Variants in ADORA2B observed in about 807,000 individuals in gnomAD.
ADORA2B encodes adenosine A2b receptor, also known as adenosine receptor A2b.
Under a neutral mutation model 20.8 loss-of-function variants are expected in ADORA2B, and 18 were observed. The ratio of observed to expected loss-of-function variants is 0.87; its 90% confidence interval spans 0.60 to 1.29. The LOEUF is 1.29. Among genes scored for constraint, ADORA2B ranks in the 50% most tolerant of loss-of-function variants. The pLI is 0.00. For synonymous variants in ADORA2B, 179 were observed against 178.3 expected (o/e 1.00, Z -0.03); for missense variants, 441 against 422.7 (o/e 1.04, Z -0.38).
chr17:15,968,853 G>A (rs1420532962), intron 1 of ADORA2B, among the ~76,000 whole-genome samples: 1 of 152,154 alleles, frequency 6.6e-6, no homozygotes, highest in East Asian at 1.9e-4. Context: ...GTGCATAGGC[G>A]GTGGCAGCTG....
the ADORA2B span, among the ~76,000 whole-genome samples, chr17:15,859,097 G>A: frequency 2.0e-5 from 3 of 152,126 alleles, no homozygotes; most frequent in African/African-American, 4.8e-5. Context: ...GCACTGAGAT[G>A]TGAACTACCA....
intron 1 of ADORA2B, among the ~76,000 whole-genome samples, chr17:15,950,795 C>T (rs1969891188): frequency 6.6e-6 from 1 of 152,230 alleles, no homozygotes; most frequent in Non-Finnish European, 1.5e-5. Context: ...AATTCTCACT[C>T]ACCACGGCCA....
the ADORA2B span, among the ~76,000 whole-genome samples, chr17:15,907,958 G>A: frequency 2.6e-5 from 4 of 152,352 alleles, no homozygotes; most frequent in African/African-American, 9.6e-5. Context: ...ACGGGGACCC[G>A]GGTGTGAAAT....
rs1718139479 is a variant in ADORA2B at position 15,948,803 on chromosome 17, GTGCCTCACGTATCTGGTCTT to G, written c.335+3223_335+3242del. Among the ~76,000 whole-genome samples the G allele has an allele frequency of 4.6e-5, 7 of 152,236 alleles. No homozygotes were observed. The South Asian group carries it at 1.2e-3, about 27-fold the overall frequency. On this transcript the variant is annotated intron_variant, in intron 1 of 1. Coordinates refer to ENST00000304222, the MANE Select transcript of ADORA2B (RefSeq NM_000676.4). ...TCTTGCCACATTGAGGCTTTTCTCT[GTGCCTCACGTATCTGGTCTT>G]TGAGGTAGGGATTAAAGACCTCTTA...
At chr17:15,909,453 T>C in the ADORA2B span, among the ~76,000 whole-genome samples, 1 of 152,232 alleles carries the variant, frequency 6.6e-6, no homozygotes, top group East Asian at 1.9e-4. Context: ...CCTGTGATAA[T>C]GCAAGGGAGG....
chr17:15,877,818 A>AAATT, the ADORA2B span, among the ~76,000 whole-genome samples: 2 of 152,006 alleles, frequency 1.3e-5, no homozygotes, highest in Non-Finnish European at 2.9e-5. Flanking sequence ...CTCTTGCCAC[A>AAATT]AATTTCCTGA....
chr17:15,946,362 T>C lies in ADORA2B; in HGVS notation c.335+779T>C, dbSNP rs531541314. 4.6e-5 allele frequency among the ~76,000 whole-genome samples: 7 copies of C among 152,312 alleles called. No individual in the cohort carries two copies. The East Asian group carries it at 9.6e-4, about 21-fold the overall frequency. The stretch of plus-strand genomic sequence containing the variant: ...GTGGCGAACTTACTTGTCCACTCTT[T>C]CTCCCACACTGAGAAAATCTAGGAT... On this transcript the variant is annotated intron_variant, in intron 1 of 1. Coordinates refer to ENST00000304222, the MANE Select transcript of ADORA2B (RefSeq NM_000676.4).
At chr17:15,868,115 G>A in the ADORA2B span, among the ~76,000 whole-genome samples, 1 of 144,182 alleles carries the variant, frequency 6.9e-6, no homozygotes, top group Non-Finnish European at 1.5e-5. Context: ...GTCCACTCAG[G>A]GTTGAATGGA....
At chr17:15,948,500 C>T (rs190526783) in intron 1 of ADORA2B, among the ~76,000 whole-genome samples, 1 of 136,470 alleles carries the variant, frequency 7.3e-6, no homozygotes, top group East Asian at 2.3e-4. Context: ...GGGCCATGCC[C>T]AAAGCTGCTC....
the ADORA2B span, among the ~76,000 whole-genome samples, chr17:15,887,864 T>C: frequency 9.2e-6 from 1 of 109,018 alleles, no homozygotes; most frequent in Non-Finnish European, 1.8e-5. Flanking sequence ...GGCAGGAGAA[T>C]GGCATGAACC....
chr17:15,967,954 C>G (rs1970141776), intron 1 of ADORA2B, among the ~76,000 whole-genome samples: 1 of 152,190 alleles, frequency 6.6e-6, no homozygotes, highest in Non-Finnish European at 1.5e-5. Context: ...CCTATCTGTT[C>G]CAATGCTTCT....
At chr17:15,956,040 C>T (rs1005868272) in intron 1 of ADORA2B, among the ~76,000 whole-genome samples, 2 of 152,090 alleles carry the variant, frequency 1.3e-5, no homozygotes, top group African/African-American at 2.4e-5. Flanking sequence ...CAGATGGGGA[C>T]GTCCCCTCCT....
chr17:15,878,213 A>T, the ADORA2B span, among the ~76,000 whole-genome samples: 2 of 142,194 alleles, frequency 1.4e-5, no homozygotes, highest in Non-Finnish European at 3.1e-5. Context: ...ACACACACAC[A>T]CATTATATAA....
At chr17:15,858,034 C>T in the ADORA2B span, among the ~76,000 whole-genome samples, 1 of 138,794 alleles carries the variant, frequency 7.2e-6, no homozygotes, top group African/African-American at 2.5e-5. Context: ...GTTGCATCCA[C>T]CTCAGCTTTT....
chr17:15,872,201 G>A, the ADORA2B span, among the ~76,000 whole-genome samples: 2 of 152,058 alleles, frequency 1.3e-5, no homozygotes, highest in African/African-American at 4.8e-5. Context: ...GACTAGTGAT[G>A]GTCGCACAAC....
the ADORA2B span, among the ~76,000 whole-genome samples, chr17:15,881,693 G>A: frequency 1.1e-4 from 17 of 152,204 alleles, no homozygotes; most frequent in African/African-American, 3.9e-4. Flanking sequence ...GCCCTTTGAT[G>A]AGGGGCTGAT....
Position 15,945,197 on chromosome 17 carries a change from C to A in ADORA2B, c.-52C>A, listed in dbSNP as rs1216502112. ...CCCGGCGGGTCTCACGCGGCTGCCCCTCGCCCGGCGCGCCTTCGGTAGGGG... is the reference window on the plus strand; with the variant it reads ...CCCGGCGGGTCTCACGCGGCTGCCCATCGCCCGGCGCGCCTTCGGTAGGGG... On this transcript the variant is annotated 5_prime_UTR_variant, in exon 1 of 2. Coordinates refer to ENST00000304222, the MANE Select transcript of ADORA2B (RefSeq NM_000676.4). 2.2e-6 allele frequency: 3 copies of A among 1,372,150 alleles called. No individual in the cohort carries two copies. The highest frequency in any genetic ancestry group is 2.8e-6 in the Non-Finnish European group (3 of 1,069,164). The allele number at this position is 1,372,150 out of a possible 1,614,324, so 85.0% of individuals were successfully genotyped here.
intron 1 of ADORA2B, among the ~76,000 whole-genome samples, chr17:15,969,261 T>C (rs1289974998): frequency 1.3e-5 from 2 of 151,938 alleles, no homozygotes; most frequent in African/African-American, 4.8e-5. Flanking sequence ...CCATCCTGGC[T>C]AACACAGTGA....
At chr17:15,857,333 C>T in the ADORA2B span, among the ~76,000 whole-genome samples, 2 of 152,198 alleles carry the variant, frequency 1.3e-5, no homozygotes, top group Non-Finnish European at 2.9e-5. Context: ...ATGGAGATCC[C>T]CTGCTAGGGC....
Sources: allele counts gnomAD v4.1 joint callset (sites outside exome capture counted in the v4.1 genomes callset), GRCh38; gene constraint gnomAD v4.1.1; transcripts MANE v1.5; gene names NCBI Gene and HGNC (gene_info 2026-07-23, HGNC 2026-07-21).